GPR78: variants seen among roughly 807,000 people sequenced by gnomAD.
The protein encoded by GPR78 is G protein-coupled receptor 78.
Under a neutral mutation model 17.9 loss-of-function variants are expected in GPR78, and 29 were observed. The observed-to-expected ratio is 1.62, with a 90% CI of 1.20 to 2.21. GPR78 has a LOEUF of 2.21. Ranked by LOEUF, GPR78 falls within the 30% of genes most tolerant of loss-of-function variation. GPR78 has a pLI of 0.00. For missense variants in GPR78, 649 were observed against 530.5 expected (o/e 1.22, Z -2.19); for synonymous variants, 349 against 256.9 (o/e 1.36, Z -3.43).
chr4:8,581,835 C>G (rs2109299141), intron 1 of GPR78, among the ~76,000 whole-genome samples, 185 bp downstream of exon 1: 1 of 146,644 alleles, frequency 6.8e-6, no homozygotes, highest in East Asian at 2.0e-4. Context: ...ACTGCGGGGG[C>G]CTCTGCCTCC....
At chr4:8,584,995 A>G (rs1713441673) in intron 2 of GPR78, among the ~76,000 whole-genome samples, 1 of 152,250 alleles carries the variant, frequency 6.6e-6, no homozygotes, top group South Asian at 2.1e-4. Context: ...ACCTTGAGCC[A>G]GTTCATGCGG....
rs17844775 is a variant in GPR78, at chr4:8,580,507, C to T, written c.-476C>T. The T allele has an allele frequency of 0.23, 36,630 of 158,370 alleles. 5,345 individuals are homozygous for T. The highest frequency in any genetic ancestry group is 0.35 in the Middle Eastern group (115 of 324). 9.8% of individuals were successfully genotyped at this position (158,370 alleles called of 1,614,324 possible). ...GCTGGCGTGTCAGCTGCGCGCGAAC[C>T]AGGGCTGGGAGGCTCGGCTGGAGGT... On this transcript the variant is annotated 5_prime_UTR_variant, in exon 1 of 3. Transcript: ENST00000382487.
In GPR78 at chr4:8,589,535, T is replaced by G. The variant is rs1713665710; in HGVS notation, c.*2172T>G. On this transcript the variant is annotated 3_prime_UTR_variant, in exon 3 of 3. Transcript: ENST00000382487. ...ACAGCAGAAGCAGGTTGTTCCCCAT[T>G]TAAAGTTCTGGAGCCCAGGCTGTGA... Among the ~76,000 whole-genome samples, 1 of 152,140 alleles carries G rather than the reference T, an allele frequency of 6.6e-6. No individual in the cohort carries two copies. The highest frequency in any genetic ancestry group is 2.4e-5 in the African/African-American group (1 of 41,430).
In GPR78 at chr4:8,589,904, T is replaced by A. The variant is rs903526956; in HGVS notation, c.*2541T>A. ...ACTGGGCTATCCCTTGCCTTAGGCT[T>A]GTGGCCTTTTTTTTTTTTTTTTTTT... On this transcript the variant is annotated 3_prime_UTR_variant, in exon 3 of 3. Coordinates refer to ENST00000382487, the MANE Select transcript of GPR78 (RefSeq NM_080819.5). Among the ~76,000 whole-genome samples, 3 of 133,290 alleles carry A rather than the reference T, an allele frequency of 2.3e-5. No homozygotes were observed. The highest frequency in any genetic ancestry group is 3.2e-5 in the Non-Finnish European group (2 of 63,090). 87.4% of individuals were successfully genotyped at this position (133,290 alleles called of 152,430 possible).
At chr4:8,584,978 C>T (rs1195499765) in intron 2 of GPR78, among the ~76,000 whole-genome samples, 1 of 152,248 alleles carries the variant, frequency 6.6e-6, no homozygotes, top group African/African-American at 2.4e-5. Flanking sequence ...AGAAATAACT[C>T]CAAGTCACCT....
Position 8,581,186 on chromosome 4 carries a change from G to A in GPR78, c.204G>A (p.Met68Ile), listed in dbSNP as rs981912333. The A allele has an allele frequency of 5.6e-6, 9 of 1,602,514 alleles. No individual in the cohort carries two copies. The African/African-American group carries it at 9.3e-5, about 17-fold the overall frequency. The change falls in exon 1 of 3, where the codon ATG (methionine) becomes ATA (isoleucine). Residue 68 changes from methionine (M) to isoleucine (I), a missense_variant. Transcript: ENST00000382487. ...TGCCCTTCACGCTGCTCGGTGTGAT[G>A]CGCGGGCGGACACCGTCGGCGCCCG... ...LDMPFTLLGV[M>I]RGRTPSAPGA...
At chr4:8,586,247 C>T (rs1302116581) in intron 2 of GPR78, among the ~76,000 whole-genome samples, 1 of 152,216 alleles carries the variant, frequency 6.6e-6, no homozygotes, top group Non-Finnish European at 1.5e-5. Context: ...CATCCCCCTG[C>T]TGCTTTCCCC....
intron 1 of GPR78, among the ~76,000 whole-genome samples, chr4:8,582,073 C>T (rs1178140000): frequency 6.6e-6 from 1 of 152,160 alleles, no homozygotes; most frequent in African/African-American, 2.4e-5. Flanking sequence ...CTGCTCACTA[C>T]TTGGCAGGAT....
At position 8,581,447 on chromosome 4, in the gene GPR78, C is replaced by G. The variant is rs747875109; in HGVS notation, c.465C>G (p.Ser155=). The G allele has an allele frequency of 7.5e-6, 12 of 1,591,262 alleles. No homozygotes were observed. Among genetic ancestry groups the G allele is most frequent in the Non-Finnish European group, 1.0e-5 (12 of 1,176,584 alleles). The part of the protein sequence containing the change: ...SWLGYSSAFA[S]CSLRLPPEPE... The stretch of plus-strand genomic sequence containing the variant: ...TTGGCTACAGCAGCGCCTTCGCGTC[C>G]TGTTCGCTGCGCCTGCCGCCCGAGC... Residue 155 remains serine (S), a synonymous_variant, in exon 1 of 3, where the codon TCC becomes TCG. Coordinates refer to ENST00000382487, the MANE Select transcript of GPR78 (RefSeq NM_080819.5).
rs1484358573 is a variant in GPR78 at position 8,580,873 on chromosome 4, C to T, written c.-110C>T. The T allele has an allele frequency of 3.6e-6, 4 of 1,098,800 alleles. No individual in the cohort carries two copies. In the Admixed American group the frequency reaches 8.5e-5, roughly 23 times the overall value. 68.1% of individuals were successfully genotyped at this position (1,098,800 alleles called of 1,614,324 possible). On this transcript the variant is annotated 5_prime_UTR_variant, in exon 1 of 3. Transcript: ENST00000382487. The stretch of plus-strand genomic sequence containing the variant: ...GACCTTGCTAGCCGGCTCTGCACCT[C>T]CCAGAAGCCGTGGGCGCGCCGCTCA...
chr4:8,581,094 A>T lies in GPR78; in HGVS notation c.112A>T (p.Thr38Ser). Residue 38 changes from threonine (T) to serine (S), a missense_variant, in exon 1 of 3, where the codon ACT becomes TCT. By Grantham distance (58) the Thr-to-Ser change is moderately conservative. Transcript: ENST00000382487. ...LCCAYSAELRTRASGVLLVNL... is the reference protein window; with the variant it reads ...LCCAYSAELRSRASGVLLVNL... ...TTGCGCCTACAGCGCTGAGCTCCGC[A>T]CTCGAGCCTCAGGCGTCCTCCTGGT... 1 of 1,606,082 alleles carries T rather than the reference A, an allele frequency of 6.2e-7. No homozygotes were observed. Among genetic ancestry groups the T allele is most frequent in the African/African-American group, 1.3e-5 (1 of 74,986 alleles).
chr4:8,586,523 G>A (rs1713512947), intron 2 of GPR78, among the ~76,000 whole-genome samples: 1 of 152,214 alleles, frequency 6.6e-6, no homozygotes, highest in African/African-American at 2.4e-5. Context: ...CTGTTCTGCA[G>A]CCCAGGTTGA....
Position 8,581,535 on chromosome 4 carries a change from C to A in GPR78, c.553C>A (p.Leu185Met). The change falls in exon 1 of 3, where the codon CTG (leucine) becomes ATG (methionine). Residue 185 changes from leucine to methionine, a missense_variant. By Grantham distance (15) the Leu-to-Met change is conservative. Transcript: ENST00000382487. ...TLHAVGFVLP[L>M]AVLCLTSLQV... The stretch of plus-strand genomic sequence containing the variant: ...CCATGCCGTGGGCTTCGTGCTGCCG[C>A]TGGCGGTGCTCTGCCTCACCTCGCT... The A allele has an allele frequency of 1.9e-6, 3 of 1,587,948 alleles. No homozygotes were observed. Among genetic ancestry groups the A allele is most frequent in the Non-Finnish European group, 2.6e-6 (3 of 1,175,158 alleles).
At chr4:8,586,488 T>G (rs1437057200) in intron 2 of GPR78, among the ~76,000 whole-genome samples, 3 of 152,076 alleles carry the variant, frequency 2.0e-5, no homozygotes, top group Non-Finnish European at 4.4e-5. Flanking sequence ...TTCATGTGGG[T>G]GAGGTGGTCA....
chr4:8,584,808 T>G (rs771553498), intron 2 of GPR78, among the ~76,000 whole-genome samples: 32 of 152,052 alleles, frequency 2.1e-4, no homozygotes, highest in Admixed American at 3.9e-4. Context: ...GATCCAGGAG[T>G]GTGTTGTCCC....
chr4:8,584,955 A>G (rs192431949), intron 2 of GPR78, among the ~76,000 whole-genome samples: 81 of 152,366 alleles, frequency 5.3e-4, no homozygotes, highest in Middle Eastern at 6.8e-3. Context: ...TAGAAGGTGA[A>G]TTTAATCTGG....
At position 8,587,193 on chromosome 4, in the gene GPR78, A is replaced by G. The variant is rs758124500; in HGVS notation, c.922A>G (p.Met308Val). The G allele has an allele frequency of 6.2e-7, 1 of 1,612,740 alleles. No individual in the cohort carries two copies. Among genetic ancestry groups the G allele is most frequent in the Non-Finnish European group, 8.5e-7 (1 of 1,179,428 alleles). Residue 308 changes from methionine (M) to valine (V), a missense_variant, in exon 3 of 3, where the codon ATG (methionine) becomes GTG (valine). Transcript: ENST00000382487. ...RRPFRQVLAG[M>V]VHRLLKRTPR... ...GCCGTTCCGCCAAGTCCTGGCCGGC[A>G]TGGTGCACCGGCTGCTGAAGAGAAC...
At chr4:8,582,167 A>T (rs1421258530) in intron 1 of GPR78, among the ~76,000 whole-genome samples, 1 of 152,006 alleles carries the variant, frequency 6.6e-6, no homozygotes, top group Non-Finnish European at 1.5e-5. Context: ...GGCCCCCCAC[A>T]GAACACCCAA....
intron 2 of GPR78, among the ~76,000 whole-genome samples, chr4:8,583,645 A>G (rs1713384588): frequency 8.3e-6 from 1 of 120,480 alleles, no homozygotes; most frequent in Non-Finnish European, 1.6e-5. Context: ...CAGCCTGTCC[A>G]GGATGACTGC....
Sources: gnomAD v4.1 joint callset for allele counts (sites outside exome capture counted in the v4.1 genomes callset) on GRCh38, gnomAD v4.1.1 for gene constraint, MANE v1.5 for transcripts, NCBI Gene and HGNC (gene_info 2026-07-23, HGNC 2026-07-21) for gene names.